Variants in TTLL5 observed in about 807,000 individuals in gnomAD.
The protein encoded by TTLL5 is tubulin polyglutamylase TTLL5.
Under a neutral mutation model 168.4 loss-of-function variants are expected in TTLL5, and 132 were observed. The ratio of observed to expected loss-of-function variants is 0.78; its 90% CI spans 0.68 to 0.91. The LOEUF is 0.91. Ranked by LOEUF, TTLL5 falls within the 40% of genes least tolerant of loss-of-function variation. The probability of loss-of-function intolerance (pLI) is 0.00; values close to 1 mark genes in which losing one functional copy is unlikely to be tolerated. For missense variants in TTLL5, 1,545 were observed against 1,581.5 expected, an observed-to-expected ratio of 0.98 and a Z score of 0.39; for synonymous variants, 546 against 558.6, an observed-to-expected ratio of 0.98 and a Z score of 0.32.
intron 25 of TTLL5, 53 bp downstream of exon 25, chr14:75,782,626 A>G: frequency 7.2e-7 from 1 of 1,385,254 alleles, no homozygotes; most frequent in Non-Finnish European, 1.0e-6. Context: ...ATTTCCTAAA[A>G]GAAGGAAATA....
intron 17 of TTLL5, 47 bp from the exon 18 acceptor site, chr14:75,752,837 ACATTTTCCT>A (rs1159196384): frequency 6.6e-7 from 1 of 1,517,098 alleles, no homozygotes; most frequent in Non-Finnish European, 9.1e-7. Flanking sequence ...TTGTATTTCT[ACATTTTCCT>A]CTTGAACTAG....
intron 31 of TTLL5, among the ~76,000 whole-genome samples, chr14:75,953,868 A>G (rs2035032928): frequency 6.6e-6 from 1 of 152,090 alleles, no homozygotes; most frequent in Admixed American, 6.6e-5. Context: ...TTGTCCAAGA[A>G]AAAAAAGGAA....
intron 28 of TTLL5, among the ~76,000 whole-genome samples, chr14:75,827,129 G>A (rs986500094): frequency 7.2e-5 from 11 of 152,180 alleles, no homozygotes; most frequent in Non-Finnish European, 1.5e-4. Context: ...AAGCTGCTTT[G>A]TGGGACAAAG....
chr14:75,725,027 A>T (rs1349997867), intron 12 of TTLL5, among the ~76,000 whole-genome samples: 1 of 152,186 alleles, frequency 6.6e-6, no homozygotes, highest in African/African-American at 2.4e-5. Context: ...GCCTGGGATC[A>T]TGGGGACAAG....
At chr14:75,719,974 G>A in intron 11 of TTLL5, 148 bp downstream of exon 11, 1 of 829,476 alleles carries the variant, frequency 1.2e-6, no homozygotes, top group Non-Finnish European at 2.0e-6. Context: ...CAGTTGACAA[G>A]CTGGGGAACA....
At chr14:75,876,486 G>C (rs1043426324) in intron 29 of TTLL5, among the ~76,000 whole-genome samples, 3 of 152,114 alleles carry the variant, frequency 2.0e-5, no homozygotes, top group Non-Finnish European at 4.4e-5. Flanking sequence ...ACTGAAGGAG[G>C]GGGAGCTTCG....
intron 31 of TTLL5, among the ~76,000 whole-genome samples, chr14:75,936,658 C>T (rs889652093): frequency 3.9e-5 from 6 of 152,166 alleles, no homozygotes; most frequent in African/African-American, 7.2e-5. Context: ...GGACTGGGAT[C>T]GGCTTGGCCT....
intron 26 of TTLL5, among the ~76,000 whole-genome samples, chr14:75,789,031 C>T (rs577275621): frequency 2.0e-4 from 30 of 152,100 alleles, no homozygotes; most frequent in Non-Finnish European, 2.5e-4. Flanking sequence ...AAAAAGAATT[C>T]GATAAAATTC....
chr14:75,813,730 A>G (rs916259151), intron 27 of TTLL5, among the ~76,000 whole-genome samples: 6 of 151,936 alleles, frequency 3.9e-5, no homozygotes, highest in Non-Finnish European at 8.8e-5. Flanking sequence ...CCAAACACAG[A>G]CTTATAAGCT....
intron 5 of TTLL5, among the ~76,000 whole-genome samples, chr14:75,687,968 T>A (rs1204707627): frequency 3.3e-5 from 5 of 152,116 alleles, no homozygotes; most frequent in Non-Finnish European, 2.9e-5. Context: ...ACTGGAACAC[T>A]TTTGCTGGCG....
chr14:75,681,151 T>G (rs1477401250), intron 3 of TTLL5, among the ~76,000 whole-genome samples: 1 of 152,220 alleles, frequency 6.6e-6, no homozygotes, highest in Non-Finnish European at 1.5e-5. Context: ...GAAGGTCTAT[T>G]AACTACTATA....
At chr14:75,851,907 C>T (rs903054115) in intron 28 of TTLL5, among the ~76,000 whole-genome samples, 3 of 152,092 alleles carry the variant, frequency 2.0e-5, no homozygotes, top group Admixed American at 6.6e-5. Context: ...TTGGTTACCC[C>T]GTGCCCCGAA....
At position 75,798,992 on chromosome 14, in the gene TTLL5, G is replaced by T. The variant is rs572681261; in HGVS notation, c.3171+5892G>T. On this transcript the variant is annotated intron_variant, in intron 27 of 31. Transcript: ENST00000298832. ...ATCCGTTAACTCCATTTGTTCTAGG[G>T]TATGGTTTATGTCTGTTGTCTCTTT... Among the ~76,000 whole-genome samples the T allele has an allele frequency of 2.0e-4, 30 of 152,072 alleles. 1 individual carries two copies. The highest frequency in any genetic ancestry group is 4.3e-4 in the Non-Finnish European group (29 of 67,978).
chr14:75,854,127 C>T (rs1485473895), intron 28 of TTLL5, among the ~76,000 whole-genome samples: 1 of 152,088 alleles, frequency 6.6e-6, no homozygotes, highest in African/African-American at 2.4e-5. Context: ...TTGTTAACCA[C>T]CATGCAACAC....
chr14:75,776,816 A>G lies in TTLL5; in HGVS notation c.2353A>G (p.Met785Val). 1.2e-6 allele frequency: 2 copies of G among 1,613,990 alleles called. No individual in the cohort carries two copies. Among genetic ancestry groups the G allele is most frequent in the Non-Finnish European group, 1.7e-6 (2 of 1,179,894 alleles). ...GGAAGAAGAGGAAGATGGGGTGAAT[A>G]TGGAAAACTTTCAGGAGTTCATCAG... ...VEEEEEDGVN[M>V]ENFQEFIRQA... is the part of the protein sequence containing the mutation. The change falls in exon 23 of 32, where the codon ATG (methionine) becomes GTG (valine). Residue 785 changes from methionine to valine, a missense_variant. By Grantham distance (21) the Met-to-Val change is conservative. Transcript: ENST00000298832.
intron 30 of TTLL5, among the ~76,000 whole-genome samples, chr14:75,890,071 C>G (rs1031629014): frequency 6.6e-6 from 1 of 152,150 alleles, no homozygotes; most frequent in African/African-American, 2.4e-5. Context: ...AATAGATAAA[C>G]TGGCTTCAGG....
At position 75,687,620 on chromosome 14, in the gene TTLL5, ACT is replaced by A. The variant is rs556819222; in HGVS notation, c.372-2571_372-2570del. Reference sequence around the variant, plus strand: ...TAAAAATATCTGCTCTTTGAAAGACACTGTTAAGAAAATGAAAAAACAAGCTA... The same window carrying A: ...TAAAAATATCTGCTCTTTGAAAGACAGTTAAGAAAATGAAAAAACAAGCTA... On this transcript the variant is annotated intron_variant, in intron 5 of 31. Transcript: ENST00000298832. Among the ~76,000 whole-genome samples the A allele has an allele frequency of 5.9e-5, 9 of 152,322 alleles. No individual in the cohort carries two copies. In the East Asian group the frequency reaches 1.2e-3, roughly 20 times the overall value.
intron 31 of TTLL5, among the ~76,000 whole-genome samples, chr14:75,931,002 A>G (rs2034259247): frequency 6.6e-6 from 1 of 152,010 alleles, no homozygotes; most frequent in African/African-American, 2.4e-5. Context: ...GTTAATTTTC[A>G]TATTATTCTC....
Position 75,683,579 on chromosome 14 carries a change from A to T in TTLL5, c.294A>T (p.Leu98=). 1 of 1,613,914 alleles carries T rather than the reference A, an allele frequency of 6.2e-7. No homozygotes were observed. The highest frequency in any genetic ancestry group is 1.7e-4 in the Middle Eastern group (1 of 6,058). Residue 98 remains leucine, a synonymous_variant, in exon 5 of 32, where the codon CTA becomes CTT. Transcript: ENST00000298832. The stretch of plus-strand genomic sequence containing the variant: ...ACCCAAGCAGCACTGACTATAACCT[A>T]ATGTGGACAGGATCCCACCTGAAGC... The part of the protein sequence containing the change: ...EVHPSSTDYN[L]MWTGSHLKPF...
Sources: gnomAD v4.1 joint callset for allele counts (sites outside exome capture counted in the v4.1 genomes callset) on GRCh38, gnomAD v4.1.1 for gene constraint, MANE v1.5 for transcripts, NCBI Gene and HGNC (gene_info 2026-07-23, HGNC 2026-07-21) for gene names.